Variants in ZRANB3 observed in about 807,000 individuals in gnomAD.
ZRANB3 encodes zinc finger RANBP2-type containing 3.
Under a neutral mutation model 133.8 loss-of-function variants are expected in ZRANB3, and 125 were observed. The ratio of observed to expected loss-of-function variants is 0.93; its 90% CI spans 0.81 to 1.08. ZRANB3 has a LOEUF of 1.08. Ranked by LOEUF, ZRANB3 falls within the 50% of genes least tolerant of loss-of-function variation. The probability of loss-of-function intolerance (pLI) is 0.00; values close to 1 mark genes in which losing one functional copy is unlikely to be tolerated. For synonymous variants in ZRANB3, 387 were observed against 432.7 expected, an observed-to-expected ratio of 0.89 and a Z score of 1.31; for missense variants, 1,229 against 1,275.5, an observed-to-expected ratio of 0.96 and a Z score of 0.56.
intron 8 of ZRANB3, among the ~76,000 whole-genome samples, chr2:135,298,015 C>T (rs970256226): frequency 2.0e-5 from 3 of 152,056 alleles, no homozygotes; most frequent in African/African-American, 4.8e-5. Flanking sequence ...GATAACCTGA[C>T]GTCAGGAGTT....
In ZRANB3 at chr2:135,251,403, T is replaced by C. The variant is rs147872210; in HGVS notation, c.1539+14131A>G. 2.5e-3 allele frequency among the ~76,000 whole-genome samples: 386 copies of C among 152,224 alleles called. 1 individual carries two copies. The highest frequency in any genetic ancestry group is 9.0e-3 in the African/African-American group (373 of 41,548). ...TTGGGGGACTTTTGGGAAAGCATAATTGGTTTTGAAATGTAAGGACATGAG... is the reference window on the plus strand; with the variant it reads ...TTGGGGGACTTTTGGGAAAGCATAACTGGTTTTGAAATGTAAGGACATGAG... On this transcript the variant is annotated intron_variant, in intron 12 of 20. Transcript: ENST00000264159.
chr2:135,492,287 C>A (rs1692423246), intron 2 of ZRANB3, among the ~76,000 whole-genome samples: 2 of 152,032 alleles, frequency 1.3e-5, no homozygotes, highest in African/African-American at 2.4e-5. Context: ...TGAAACCTAA[C>A]CTTGTAACAT....
intron 2 of ZRANB3, among the ~76,000 whole-genome samples, chr2:135,436,957 AT>A (rs1334197230): frequency 6.6e-6 from 1 of 152,186 alleles, no homozygotes; most frequent in Non-Finnish European, 1.5e-5. Context: ...GAATGGATAA[AT>A]TGTGCCATAT....
At chr2:135,457,982 G>C (rs894972543) in intron 2 of ZRANB3, among the ~76,000 whole-genome samples, 7 of 152,158 alleles carry the variant, frequency 4.6e-5, no homozygotes, top group Admixed American at 3.9e-4. Context: ...TGAAGCCACT[G>C]TCTCCTACCA....
intron 2 of ZRANB3, among the ~76,000 whole-genome samples, chr2:135,451,478 T>A (rs1320246982): frequency 1.3e-5 from 2 of 151,684 alleles, no homozygotes; most frequent in African/African-American, 4.8e-5. Flanking sequence ...ATGAGAATCA[T>A]TTAAACCTGG....
chr2:135,202,050 T>C (rs1693650362), intron 20 of ZRANB3, among the ~76,000 whole-genome samples: 1 of 152,090 alleles, frequency 6.6e-6, no homozygotes, highest in Non-Finnish European at 1.5e-5. Context: ...GCATGATATA[T>C]AAAAGCAAAA....
At chr2:135,298,698 T>C (rs1042785388) in intron 8 of ZRANB3, among the ~76,000 whole-genome samples, 2 of 152,214 alleles carry the variant, frequency 1.3e-5, no homozygotes, top group African/African-American at 4.8e-5. Context: ...CAGCTGTGCA[T>C]ACTATCACCA....
At chr2:135,512,080 A>G (rs1019046600) in intron 1 of ZRANB3, 4 of 428,322 alleles carry the variant, frequency 9.3e-6, no homozygotes, top group African/African-American at 7.9e-5. Context: ...CGCACCAGCA[A>G]TACATAATTT....
At chr2:135,443,350 C>CG (rs1005887560) in intron 2 of ZRANB3, among the ~76,000 whole-genome samples, 7 of 47,872 alleles carry the variant, frequency 1.5e-4, no homozygotes, top group Admixed American at 3.1e-4. Flanking sequence ...ATGGGAGTGT[C>CG]GGGGGGGACA....
chr2:135,246,627 T>C (rs1027534032), intron 12 of ZRANB3, among the ~76,000 whole-genome samples: 1 of 152,214 alleles, frequency 6.6e-6, no homozygotes, highest in African/African-American at 2.4e-5. Context: ...GAGAAAAATA[T>C]AATTATAACA....
intron 3 of ZRANB3, among the ~76,000 whole-genome samples, chr2:135,383,493 G>C (rs191864380): frequency 6.6e-6 from 1 of 152,090 alleles, no homozygotes; most frequent in Non-Finnish European, 1.5e-5. Flanking sequence ...GCACCAAGCG[G>C]ACCTAATAGA....
intron 5 of ZRANB3, among the ~76,000 whole-genome samples, chr2:135,346,456 A>G (rs906949454): frequency 6.6e-6 from 1 of 152,086 alleles, no homozygotes; most frequent in African/African-American, 2.4e-5. Context: ...CTGTGTGTGT[A>G]TATATATATG....
At chr2:135,497,262 CAG>C (rs149464640) in intron 2 of ZRANB3, among the ~76,000 whole-genome samples, 6,734 of 152,134 alleles carry the variant, frequency 0.044, 494 homozygotes, top group African/African-American at 0.15. Flanking sequence ...ATATGTAATG[CAG>C]AGTCAATAAT....
intron 3 of ZRANB3, among the ~76,000 whole-genome samples, chr2:135,362,197 CAAAA>C (rs1274331901): frequency 8.2e-5 from 6 of 73,064 alleles, no homozygotes; most frequent in African/African-American, 8.8e-5. Flanking sequence ...GACTCCGTCT[CAAAA>C]AAAAAAAAAA....
intron 2 of ZRANB3, among the ~76,000 whole-genome samples, chr2:135,473,414 C>A (rs986584229): frequency 6.6e-6 from 1 of 151,998 alleles, no homozygotes; most frequent in African/African-American, 2.4e-5. Context: ...ATATACTAAC[C>A]AATTTTATGG....
chr2:135,415,138 A>T (rs13008117), intron 2 of ZRANB3, among the ~76,000 whole-genome samples: 1 of 151,310 alleles, frequency 6.6e-6, no homozygotes, highest in Non-Finnish European at 1.5e-5. Context: ...GACAAAAAAA[A>T]AACCCTTCAA....
At chr2:135,215,440 G>C (rs139709450) in intron 17 of ZRANB3, among the ~76,000 whole-genome samples, 1 of 151,814 alleles carries the variant, frequency 6.6e-6, no homozygotes, top group East Asian at 2.0e-4. Flanking sequence ...TTTTTGTAGA[G>C]ATGAGGTTTT....
At chr2:135,269,694 G>C (rs16831498) in intron 10 of ZRANB3, among the ~76,000 whole-genome samples, 46,997 of 152,028 alleles carry the variant, frequency 0.31, 11,283 homozygotes, top group African/African-American at 0.66. Flanking sequence ...TCATGAATTT[G>C]AAATAGTGTG....
chr2:135,389,235 T>G (rs773699256), intron 3 of ZRANB3, among the ~76,000 whole-genome samples: 1 of 152,212 alleles, frequency 6.6e-6, no homozygotes, highest in Non-Finnish European at 1.5e-5. Context: ...AATGACTCTT[T>G]TTCTAATTAT....
Sources: allele counts gnomAD v4.1 joint callset (sites outside exome capture counted in the v4.1 genomes callset), GRCh38; gene constraint gnomAD v4.1.1; transcripts MANE v1.5; gene names NCBI Gene and HGNC (gene_info 2026-07-23, HGNC 2026-07-21).